EPB41L3: variants seen among roughly 807,000 people sequenced by gnomAD.
The protein encoded by EPB41L3 is band 4.1-like protein 3.
Under a neutral mutation model 127.1 loss-of-function variants are expected in EPB41L3, and 57 were observed. The ratio of observed to expected loss-of-function variants is 0.45; its 90% CI spans 0.36 to 0.56. The LOEUF (loss-of-function observed/expected upper bound fraction) is 0.56, where lower values mean the gene tolerates loss of function less well. Among genes scored for constraint, EPB41L3 ranks in the 20% least tolerant of loss-of-function variants. The pLI is 0.00. For synonymous variants in EPB41L3, 572 were observed against 549.5 expected, an observed-to-expected ratio of 1.04 and a Z score of -0.57; for missense variants, 1,273 against 1,372.2, an observed-to-expected ratio of 0.93 and a Z score of 1.14.
chr18:5,478,339 T>C lies in EPB41L3; in HGVS notation c.283A>G (p.Lys95Glu). Residue 95 changes from lysine (K) to glutamate (E), a missense_variant, in exon 3 of 23, where the codon AAA (lysine) becomes GAA (glutamate). Around this residue, in one of 3 missense-constraint regions of EPB41L3, gnomAD observed 182 missense variants for 149.2 expected, o/e 1.22. Transcript: ENST00000341928. ...ATCTTTAATGGAGACCGAGAGAGTTTACTGCTAGATGATTTCTGAGAAAGT... is the reference window on the plus strand; with the variant it reads ...ATCTTTAATGGAGACCGAGAGAGTTCACTGCTAGATGATTTCTGAGAAAGT... Reference protein sequence around the residue: ...DKLSQKSSSSKLSRSPLKIVK... With the variant: ...DKLSQKSSSSELSRSPLKIVK... The C allele has an allele frequency of 6.2e-7, 1 of 1,614,180 alleles. No individual in the cohort carries two copies. Among genetic ancestry groups the C allele is most frequent in the Non-Finnish European group, 8.5e-7 (1 of 1,180,014 alleles).
At chr18:5,474,871 C>T (rs1025655276) in intron 3 of EPB41L3, among the ~76,000 whole-genome samples, 1 of 152,170 alleles carries the variant, frequency 6.6e-6, no homozygotes, top group Non-Finnish European at 1.5e-5. Flanking sequence ...TCCATAATTG[C>T]ACCTACAGTT....
upstream of EPB41L3, among the ~76,000 whole-genome samples, chr18:5,630,024 C>A (rs1358907581): frequency 6.6e-6 from 1 of 152,206 alleles, no homozygotes; most frequent in Non-Finnish European, 1.5e-5. Context: ...GCTCGCCGGG[C>A]CCCGCGCACT....
chr18:5,559,756 G>T (rs983986493), intron 3 of EPB41L3, among the ~76,000 whole-genome samples: 1 of 122,304 alleles, frequency 8.2e-6, no homozygotes, highest in African/African-American at 2.9e-5. Context: ...AAAATCCTAC[G>T]AAAGCTAAAC....
intron 1 of EPB41L3, among the ~76,000 whole-genome samples, chr18:5,509,847 T>C (rs1323475715): frequency 6.6e-6 from 1 of 152,206 alleles, no homozygotes; most frequent in Non-Finnish European, 1.5e-5. Context: ...ACTTTTGATC[T>C]TTACCACTGA....
intron 1 of EPB41L3, among the ~76,000 whole-genome samples, chr18:5,519,903 C>T (rs1195502646): frequency 6.6e-6 from 1 of 152,164 alleles, no homozygotes; most frequent in East Asian, 1.9e-4. Flanking sequence ...CTTATCTGCA[C>T]AGCACTGTAC....
intron 2 of EPB41L3, among the ~76,000 whole-genome samples, chr18:5,478,825 C>T (rs2087783369): frequency 6.6e-6 from 1 of 152,160 alleles, no homozygotes; most frequent in African/African-American, 2.4e-5. Context: ...CCAGATCCTT[C>T]TATACTCTAC....
At chr18:5,622,463 G>T (rs988479022) in intron 1 of EPB41L3, among the ~76,000 whole-genome samples, 11 of 152,134 alleles carry the variant, frequency 7.2e-5, no homozygotes, top group Admixed American at 1.3e-4. Flanking sequence ...ACTGCAGCAG[G>T]GTGAGTCTAG....
At chr18:5,572,258 C>T (rs1362701491) in intron 3 of EPB41L3, among the ~76,000 whole-genome samples, 1 of 152,206 alleles carries the variant, frequency 6.6e-6, no homozygotes, top group Non-Finnish European at 1.5e-5. Flanking sequence ...TTCCTCTTCA[C>T]TTTCACTGCT....
chr18:5,458,410 T>C (rs554247487), intron 3 of EPB41L3, among the ~76,000 whole-genome samples: 1 of 152,288 alleles, frequency 6.6e-6, no homozygotes, highest in Non-Finnish European at 1.5e-5. Flanking sequence ...TATAGAAAAA[T>C]ACATGATGGA....
At position 5,543,871 on chromosome 18, in the gene EPB41L3, G is replaced by A. The variant is rs1475313173; in HGVS notation, c.-12+42C>T. 2.0e-6 allele frequency: 2 copies of A among 985,146 alleles called. No homozygotes were observed. The highest frequency in any genetic ancestry group is 4.7e-5 in the South Asian group (1 of 21,276). 61.0% of individuals were successfully genotyped at this position (985,146 alleles called of 1,614,324 possible). ...CTTCCTCCGCACCTCGTAAAGCCGA[G>A]ACCCCCTCGCAGTCCCCCACTCCGA... is the stretch of plus-strand genomic sequence containing the variant. On this transcript the variant is annotated intron_variant, in intron 1 of 22. Coordinates refer to ENST00000341928, the MANE Select transcript of EPB41L3 (RefSeq NM_012307.5). This position sits in a 1 kb window ranked among gnomAD's most constrained non-coding sequence, Gnocchi z 5.2.
intron 3 of EPB41L3, among the ~76,000 whole-genome samples, chr18:5,475,278 C>A (rs2086947026): frequency 6.6e-6 from 1 of 152,174 alleles, no homozygotes; most frequent in Admixed American, 6.5e-5. Context: ...ATTAGTTGCT[C>A]TAATCTTCTC....
chr18:5,566,204 A>G (rs1002233787), intron 3 of EPB41L3, among the ~76,000 whole-genome samples: 1 of 152,234 alleles, frequency 6.6e-6, no homozygotes, highest in Admixed American at 6.5e-5. Flanking sequence ...ATGATTGTAT[A>G]TCTAGAAAAC....
chr18:5,525,300 G>C (rs1432799909), intron 1 of EPB41L3, among the ~76,000 whole-genome samples: 2 of 152,142 alleles, frequency 1.3e-5, no homozygotes, highest in Non-Finnish European at 2.9e-5. Flanking sequence ...CATGGCCCTA[G>C]GAAAGCGCTC....
chr18:5,540,360 G>A (rs1355425301), intron 1 of EPB41L3: 1 of 985,262 alleles, frequency 1.0e-6, no homozygotes, highest in African/African-American at 1.7e-5. Flanking sequence ...AGTTCAACTT[G>A]AGAAAGGAGT....
chr18:5,510,963 A>G lies in EPB41L3; in HGVS notation c.-11-21769T>C, dbSNP rs113125772. On this transcript the variant is annotated intron_variant, in intron 1 of 22. Coordinates refer to ENST00000341928, the MANE Select transcript of EPB41L3 (RefSeq NM_012307.5). Reference sequence around the variant, plus strand: ...TTGTAGGCAATCAGTTAAAAAAACAAAAGAGGAGACTTTGAAATAACTACA... The same window carrying G: ...TTGTAGGCAATCAGTTAAAAAAACAGAAGAGGAGACTTTGAAATAACTACA... Among the ~76,000 whole-genome samples, 667 of 152,306 alleles carry G rather than the reference A, an allele frequency of 4.4e-3. 5 individuals are homozygous for G. Among genetic ancestry groups the G allele is most frequent in the African/African-American group, 0.016 (648 of 41,568 alleles).
chr18:5,592,697 A>T (rs2143577158), intron 3 of EPB41L3, among the ~76,000 whole-genome samples: 1 of 152,302 alleles, frequency 6.6e-6, no homozygotes, highest in East Asian at 1.9e-4. Context: ...GTGGTGAGAC[A>T]GAAGTCTGGA....
intron 2 of EPB41L3, among the ~76,000 whole-genome samples, chr18:5,613,184 C>A (rs1488332066): frequency 2.0e-5 from 3 of 152,138 alleles, no homozygotes; most frequent in East Asian, 3.9e-4. Context: ...GTTCAGTCAT[C>A]TCTTAAGGAA....
intron 3 of EPB41L3, among the ~76,000 whole-genome samples, chr18:5,451,172 T>C (rs1296013167): frequency 1.1e-4 from 16 of 152,214 alleles, no homozygotes; most frequent in Non-Finnish European, 7.3e-5. Context: ...ACAGTTTAAT[T>C]ATGAAAATGA....
At chr18:5,561,225 C>T (rs188384313) in intron 3 of EPB41L3, among the ~76,000 whole-genome samples, 2 of 152,214 alleles carry the variant, frequency 1.3e-5, no homozygotes, top group Non-Finnish European at 2.9e-5. Flanking sequence ...GATCCGCCCG[C>T]CTCGGCCTCC....
Sources: allele counts gnomAD v4.1 joint callset (sites outside exome capture counted in the v4.1 genomes callset), GRCh38; gene constraint gnomAD v4.1.1; regional missense constraint gnomAD v4.1.1; non-coding constraint Gnocchi (gnomAD v3.1); transcripts MANE v1.5; gene names NCBI Gene and HGNC (gene_info 2026-07-23, HGNC 2026-07-21).